Variants in NUP153 observed in about 807,000 individuals in gnomAD.
NUP153 encodes nuclear pore complex protein Nup153.
NUP153 carries 27 observed loss-of-function variants against 134.6 expected under a neutral mutation model. The ratio of observed to expected loss-of-function variants is 0.20; its 90% CI spans 0.15 to 0.28. The LOEUF is 0.28. Among genes scored for constraint, NUP153 ranks in the 10% least tolerant of loss-of-function variants. The pLI, the probability that NUP153 is intolerant of heterozygous loss-of-function variation, is 1.00. For missense variants in NUP153, 1,821 were observed against 1,731.3 expected, an observed-to-expected ratio of 1.05 and a Z score of -0.92; for synonymous variants, 640 against 623.5, an observed-to-expected ratio of 1.03 and a Z score of -0.40.
chr6:17,646,311 C>T (rs1766176134), intron 13 of NUP153, among the ~76,000 whole-genome samples, 157 bp from the exon 14 acceptor site: 1 of 151,716 alleles, frequency 6.6e-6, no homozygotes, highest in Non-Finnish European at 1.5e-5. Flanking sequence ...GGGTTCACGC[C>T]ATTCTCCTGC....
intron 11 of NUP153, chr6:17,651,780 G>A (rs2113802735): frequency 1.8e-6 from 1 of 551,336 alleles, no homozygotes; most frequent in East Asian, 2.9e-5. Flanking sequence ...ATGCTCTCAT[G>A]AGGGCCTCAA....
chr6:17,649,107 A>T lies in NUP153; in HGVS notation c.1533+56T>A, dbSNP rs1050754147. ...CTGTTTATAATATAGGGTTTTTTTT[A>T]AATAAAGAATTAAGAAAGAACAAAT... On this transcript the variant is annotated intron_variant, in intron 12 of 21. Coordinates refer to ENST00000262077, the MANE Select transcript of NUP153 (RefSeq NM_005124.4). The T allele has an allele frequency of 2.8e-6, 4 of 1,454,004 alleles. No individual in the cohort carries two copies. The African/African-American group carries it at 5.8e-5, about 21-fold the overall frequency. The allele number at this position is 1,454,004 out of a possible 1,614,324, so 90.1% of individuals were successfully genotyped here.
chr6:17,674,541 G>T (rs1011910372), intron 5 of NUP153, among the ~76,000 whole-genome samples: 6 of 152,122 alleles, frequency 3.9e-5, no homozygotes, highest in Admixed American at 6.6e-5. Context: ...GGCCGGGGTG[G>T]GCGCATCACG....
intron 2 of NUP153, among the ~76,000 whole-genome samples, chr6:17,687,681 TGA>T (rs1276671122): frequency 1.3e-5 from 2 of 152,186 alleles, no homozygotes; most frequent in Non-Finnish European, 2.9e-5. Flanking sequence ...ATTATTTATT[TGA>T]GACTTTAACA....
In NUP153 at chr6:17,647,902, G is replaced by C. The variant is rs746985560; in HGVS notation, c.1537C>G (p.Gln513Glu). The stretch of plus-strand genomic sequence containing the variant: ...CCAGTGCTGCTCGGAGAGGTCATTT[G>C]TACCTGGTTTTCCAAATTATTAAGA... ...NSSQALTNKV[Q>E]MTSPSSTGSP... The change falls in exon 13 of 22, where the codon CAA (glutamine) becomes GAA (glutamate). Residue 513 changes from glutamine to glutamate, a missense_variant. Physicochemically the swap from Gln to Glu is conservative, Grantham distance 29 (BLOSUM62 2). Transcript: ENST00000262077. The C allele has an allele frequency of 1.3e-6, 2 of 1,598,720 alleles. No individual in the cohort carries two copies. The highest frequency in any genetic ancestry group is 1.7e-6 in the Non-Finnish European group (2 of 1,171,768).
At chr6:17,676,238 C>T (rs904712645) in intron 2 of NUP153, among the ~76,000 whole-genome samples, 37 of 152,132 alleles carry the variant, frequency 2.4e-4, no homozygotes, top group Non-Finnish European at 2.9e-5. Flanking sequence ...GATTCGGCTT[C>T]ACTGTTTTCC....
In NUP153 at chr6:17,674,906, T is replaced by C; in HGVS notation, c.851A>G (p.Gln284Arg). 1 of 1,591,720 alleles carries C rather than the reference T, an allele frequency of 6.3e-7. No homozygotes were observed. Residue 284 changes from glutamine (Q) to arginine (R), a missense_variant and splice_region_variant, in exon 5 of 22, where the codon CAG becomes CGG. Gln to Arg is a conservative substitution (Grantham distance 43). Transcript: ENST00000262077. ...RQSKLRNTPY[Q>R]APVRRQMKAK... Reference sequence around the variant, plus strand: ...ATCAACCCTTCTATTGGAACCTACCTGATAAGGTGTATTTCGTAGTTTAGA... The same window carrying C: ...ATCAACCCTTCTATTGGAACCTACCCGATAAGGTGTATTTCGTAGTTTAGA...
At chr6:17,678,352 CAAA>C (rs11428582) in intron 2 of NUP153, among the ~76,000 whole-genome samples, 1,174 of 68,204 alleles carry the variant, frequency 0.017, 13 homozygotes, top group African/African-American at 0.068. Context: ...CCCTCTGTCT[CAAA>C]AAAAAAAAAA....
intron 5 of NUP153, among the ~76,000 whole-genome samples, chr6:17,674,260 A>T (rs960623741): frequency 2.0e-5 from 3 of 152,188 alleles, no homozygotes; most frequent in African/African-American, 7.2e-5. Context: ...TTATATACAT[A>T]ATAATATGTT....
chr6:17,624,370 T>TA (rs1412489006), intron 20 of NUP153, among the ~76,000 whole-genome samples, 191 bp downstream of exon 20: 1 of 152,210 alleles, frequency 6.6e-6, no homozygotes, highest in Non-Finnish European at 1.5e-5. Flanking sequence ...ATTACTACCT[T>TA]AAAAAAGTTA....
At chr6:17,640,101 T>C in intron 14 of NUP153, 37 bp from the exon 15 acceptor site, 2 of 1,429,024 alleles carry the variant, frequency 1.4e-6, no homozygotes, top group South Asian at 1.5e-5. Context: ...TTATGCCAAA[T>C]AAAACACTGG....
intron 11 of NUP153, among the ~76,000 whole-genome samples, chr6:17,656,638 C>A (rs1355492277): frequency 1.3e-5 from 2 of 152,042 alleles, no homozygotes; most frequent in South Asian, 4.1e-4. Context: ...TAGGGGGCAC[C>A]AGGTTTTTGA....
At position 17,625,105 on chromosome 6, in the gene NUP153, T is replaced by A. The variant is rs573970215; in HGVS notation, c.3902-272A>T. On this transcript the variant is annotated intron_variant, in intron 19 of 21. Coordinates refer to ENST00000262077, the MANE Select transcript of NUP153 (RefSeq NM_005124.4). The surrounding 1 kb of genome is among the most constrained non-coding windows in gnomAD (Gnocchi z 4.7). ...CGACAATTTCTGGTAAAGGAACATA[T>A]CTCAGAATAATCTCCCACCAGAAAT... Among the ~76,000 whole-genome samples the A allele has an allele frequency of 7.2e-5, 11 of 152,274 alleles. No individual in the cohort carries two copies. In the East Asian group the frequency reaches 1.9e-3, roughly 27 times the overall value.
chr6:17,659,878 T>A (rs1380225682), intron 11 of NUP153, among the ~76,000 whole-genome samples: 1 of 152,210 alleles, frequency 6.6e-6, no homozygotes, highest in Non-Finnish European at 1.5e-5. Flanking sequence ...ATCAATGGCA[T>A]TCAAGGTATT....
chr6:17,662,749 C>T (rs186283418), intron 9 of NUP153, among the ~76,000 whole-genome samples: 8 of 152,282 alleles, frequency 5.3e-5, no homozygotes, highest in Admixed American at 5.2e-4. Context: ...GTAGCCTGTG[C>T]CTTCTGAACA....
In NUP153 at chr6:17,615,345, AAAC is replaced by A. The variant is rs1487851686; in HGVS notation, c.*749_*751del. On this transcript the variant is annotated 3_prime_UTR_variant, in exon 22 of 22. Coordinates refer to ENST00000262077, the MANE Select transcript of NUP153 (RefSeq NM_005124.4). This position sits in a 1 kb window ranked among gnomAD's most constrained non-coding sequence, Gnocchi z 5.7. ...AATAAAATCTGAGACAAGACTAAAC[AAAC>A]AACAAAAAAATCTCTAACACAAAAT... 2.0e-5 allele frequency: 3 copies of A among 152,732 alleles called. No homozygotes were observed. The highest frequency in any genetic ancestry group is 2.1e-4 in the South Asian group (1 of 4,832). 9.5% of individuals were successfully genotyped at this position (152,732 alleles called of 1,614,324 possible).
intron 1 of NUP153, among the ~76,000 whole-genome samples, chr6:17,690,078 G>A (rs1769182807): frequency 6.6e-6 from 1 of 152,062 alleles, no homozygotes. Context: ...AAAAGTATGG[G>A]CTTTGGGCTC....
intron 1 of NUP153, among the ~76,000 whole-genome samples, chr6:17,701,850 A>AAC (rs1385793469): frequency 7.8e-6 from 1 of 127,646 alleles, no homozygotes. Flanking sequence ...GGGGGAAAAA[A>AAC]GCTAAATGCA....
chr6:17,704,349 C>A (rs1694306531), intron 1 of NUP153, among the ~76,000 whole-genome samples: 1 of 151,596 alleles, frequency 6.6e-6, no homozygotes, highest in Non-Finnish European at 1.5e-5. Context: ...TAATTCCCTT[C>A]TAACCTCTAT....
Sources: allele counts gnomAD v4.1 joint callset (sites outside exome capture counted in the v4.1 genomes callset), GRCh38; gene constraint gnomAD v4.1.1; non-coding constraint Gnocchi (gnomAD v3.1); transcripts MANE v1.5; gene names NCBI Gene and HGNC (gene_info 2026-07-23, HGNC 2026-07-21).